NLN: variants seen among roughly 807,000 people sequenced by gnomAD.
NLN encodes neurolysin, mitochondrial.
NLN carries 64 observed loss-of-function variants against 79.9 expected under a neutral mutation model. The observed-to-expected ratio is 0.80, with a 90% CI of 0.65 to 0.99. NLN has a LOEUF of 0.99. Ranked by LOEUF, NLN falls within the 50% of genes least tolerant of loss-of-function variation. The pLI, the probability that NLN is intolerant of heterozygous loss-of-function variation, is 0.00. For missense variants in NLN, 835 were observed against 858.7 expected (o/e 0.97, Z 0.34); for synonymous variants, 267 against 296.6 (o/e 0.90, Z 1.02).
At chr5:65,808,886 A>G (rs2150773319) in intron 9 of NLN, among the ~76,000 whole-genome samples, 1 of 152,360 alleles carries the variant, frequency 6.6e-6, no homozygotes, top group East Asian at 1.9e-4. Flanking sequence ...CTGACTTTCT[A>G]CAACATGGTA....
In NLN at chr5:65,756,058, G is replaced by T. The variant is rs1464596793; in HGVS notation, c.42-2509G>T. The stretch of plus-strand genomic sequence containing the variant: ...GCATTCTGCTGCTGTATTCAACAAA[G>T]ACTTTTCAGTATTTCTCAACATCTG... On this transcript the variant is annotated intron_variant, in intron 1 of 12. Transcript: ENST00000380985. Among the ~76,000 whole-genome samples the T allele has an allele frequency of 2.0e-5, 3 of 152,096 alleles. No individual in the cohort carries two copies. In the East Asian group the frequency reaches 5.8e-4, roughly 29 times the overall value.
intron 1 of NLN, among the ~76,000 whole-genome samples, chr5:65,757,180 G>A (rs1457312673): frequency 1.3e-5 from 2 of 152,116 alleles, no homozygotes; most frequent in African/African-American, 4.8e-5. Context: ...ATATTAGCTG[G>A]GTGAATGACT....
At chr5:65,741,978 A>G (rs1209933099) in intron 1 of NLN, among the ~76,000 whole-genome samples, 1 of 152,184 alleles carries the variant, frequency 6.6e-6, no homozygotes, top group Admixed American at 6.5e-5. Flanking sequence ...ATTTTTGTTC[A>G]ACTTTGTAAT....
chr5:65,722,559 C>A, intron 1 of NLN, 145 bp downstream of exon 1: 1 of 723,302 alleles, frequency 1.4e-6, no homozygotes, highest in Non-Finnish European at 2.2e-6. Context: ...GCAAGGTGGA[C>A]CCCTGGGGGA....
chr5:65,814,983 AT>A (rs987720864), intron 12 of NLN, among the ~76,000 whole-genome samples: 1 of 152,116 alleles, frequency 6.6e-6, no homozygotes, highest in Admixed American at 6.5e-5. Flanking sequence ...GTGATTATTA[AT>A]TTTTTCTGTA....
At chr5:65,757,675 A>G (rs1002563792) in intron 1 of NLN, among the ~76,000 whole-genome samples, 1 of 152,198 alleles carries the variant, frequency 6.6e-6, no homozygotes, top group African/African-American at 2.4e-5. Flanking sequence ...TGAATGTTTT[A>G]AGGGAGTAAA....
chr5:65,749,560 A>G (rs2150741743), intron 1 of NLN, among the ~76,000 whole-genome samples: 1 of 152,320 alleles, frequency 6.6e-6, no homozygotes, highest in East Asian at 1.9e-4. Context: ...TGTCCAAGAA[A>G]GAGACTGGCA....
Position 65,777,488 on chromosome 5 carries a change from A to C in NLN, c.512A>C (p.Lys171Thr), listed in dbSNP as rs769801726. The change falls in exon 4 of 13, where the codon AAA becomes ACA. Residue 171 changes from lysine to threonine, a missense_variant. By Grantham distance (78) the Lys-to-Thr change is moderately conservative. Transcript: ENST00000380985. ...EARRYLEKSIKMGKRNGLHLP... is the reference protein window; with the variant it reads ...EARRYLEKSITMGKRNGLHLP... ...AGACGATACTTGGAAAAGTCAATTA[A>C]AATGGGGAAAAGAAATGGGCTCCAT... 34 of 1,613,212 alleles carry C rather than the reference A, an allele frequency of 2.1e-5. No homozygotes were observed. The highest frequency in any genetic ancestry group is 2.8e-5 in the Non-Finnish European group (33 of 1,179,290).
chr5:65,754,852 G>C (rs1271186280), intron 1 of NLN, among the ~76,000 whole-genome samples: 2 of 152,048 alleles, frequency 1.3e-5, no homozygotes, highest in African/African-American at 4.8e-5. Flanking sequence ...GTCTCTCCCA[G>C]TCAGCTGAGA....
chr5:65,722,625 G>T (rs879855914), intron 1 of NLN: 1 of 533,396 alleles, frequency 1.9e-6, no homozygotes, highest in Non-Finnish European at 3.3e-6. Flanking sequence ...TCGGGAGGAC[G>T]TCCATTCCTC....
At chr5:65,782,827 G>A (rs1356691472) in intron 6 of NLN, among the ~76,000 whole-genome samples, 1 of 152,152 alleles carries the variant, frequency 6.6e-6, no homozygotes, top group Non-Finnish European at 1.5e-5. Context: ...AACAGTATTA[G>A]CTTTCCCAAA....
chr5:65,781,506 C>T lies in NLN; in HGVS notation c.822+85C>T. The T allele has an allele frequency of 4.2e-6, 4 of 959,836 alleles. No homozygotes were observed. In the South Asian group the frequency reaches 5.5e-5, roughly 13 times the overall value. 59.5% of individuals were successfully genotyped at this position (959,836 alleles called of 1,614,324 possible). ...CTTTGTTCACCAGTGTCAAAGTCAG[C>T]TCAGAGACTGATATTCCTGTGTGTG... On this transcript the variant is annotated intron_variant, in intron 6 of 12. Coordinates refer to ENST00000380985, the MANE Select transcript of NLN (RefSeq NM_020726.5).
At chr5:65,804,527 A>G (rs1760362862) in intron 9 of NLN, among the ~76,000 whole-genome samples, 1 of 151,936 alleles carries the variant, frequency 6.6e-6, no homozygotes, top group Non-Finnish European at 1.5e-5. Context: ...TTCTCACAAT[A>G]TTTCACTTTT....
intron 3 of NLN, among the ~76,000 whole-genome samples, chr5:65,771,344 A>T (rs796634433): frequency 3.9e-5 from 6 of 152,288 alleles, no homozygotes; most frequent in African/African-American, 1.4e-4. Context: ...ATCCAAGAAG[A>T]TTTCATACCT....
chr5:65,785,626 A>G (rs953414314), intron 6 of NLN, 149 bp from the exon 7 acceptor site: 10 of 546,036 alleles, frequency 1.8e-5, no homozygotes, highest in East Asian at 9.3e-5. Flanking sequence ...AAAAAAGCCT[A>G]TAACACCAAA....
At chr5:65,822,740 T>G (rs1277137190) in intron 12 of NLN, 41 bp from the exon 13 acceptor site, 1 of 1,541,270 alleles carries the variant, frequency 6.5e-7, no homozygotes. Flanking sequence ...GGAAAATTGC[T>G]AGAACCATGA....
At chr5:65,792,699 T>C (rs755591557) in intron 9 of NLN, 44 bp downstream of exon 9, 1 of 1,423,364 alleles carries the variant, frequency 7.0e-7, no homozygotes, top group Non-Finnish European at 9.9e-7. Context: ...ATTAGTTTTT[T>C]TAGAAAACTT....
chr5:65,785,836 G>C lies in NLN; in HGVS notation c.884G>C (p.Gly295Ala), dbSNP rs771314405. The C allele has an allele frequency of 1.2e-6, 2 of 1,613,756 alleles. No individual in the cohort carries two copies. Among genetic ancestry groups the C allele is most frequent in the South Asian group, 2.2e-5 (2 of 91,066 alleles). The stretch of plus-strand genomic sequence containing the variant: ...CGAACCAAGGTGGCCAAACTACTCG[G>C]TTATAGCACACATGCTGACTTCGTC... ...PLRTKVAKLL[G>A]YSTHADFVLE... is the part of the protein sequence containing the mutation. Residue 295 changes from glycine to alanine, a missense_variant, in exon 7 of 13, where the codon GGT (glycine) becomes GCT (alanine). Coordinates refer to ENST00000380985, the MANE Select transcript of NLN (RefSeq NM_020726.5).
Position 65,824,773 on chromosome 5 carries a change from T to A in NLN, c.*1858T>A, listed in dbSNP as rs1760882631. 6.6e-6 allele frequency: 1 copy of A among 152,220 alleles called. No individual in the cohort carries two copies. The allele number at this position is 152,220 out of a possible 1,614,324, so 9.4% of individuals were successfully genotyped here. The stretch of plus-strand genomic sequence containing the variant: ...CATGGTGTTCTTTCTATTTAGGGCC[T>A]ACCTCTAATATTTAAAATCTACCAA... On this transcript the variant is annotated 3_prime_UTR_variant, in exon 13 of 13. Transcript: ENST00000380985.
Sources: allele counts gnomAD v4.1 joint callset (sites outside exome capture counted in the v4.1 genomes callset), GRCh38; gene constraint gnomAD v4.1.1; transcripts MANE v1.5; gene names NCBI Gene and HGNC (gene_info 2026-07-23, HGNC 2026-07-21).